Variants in GYG2 observed in about 807,000 individuals in gnomAD.
GYG2 encodes glycogenin 2.
In GYG2, 29 loss-of-function variants were observed where a neutral mutation model predicts 29.4. The ratio of observed to expected loss-of-function variants is 0.99; its 90% CI spans 0.74 to 1.35. The LOEUF (loss-of-function observed/expected upper bound fraction) is 1.35, where lower values mean the gene tolerates loss of function less well. GYG2 is among the 40% of genes most tolerant of loss of function. The probability of loss-of-function intolerance (pLI) is 0.00; values close to 1 mark genes in which losing one functional copy is unlikely to be tolerated. For synonymous variants in GYG2, 167 were observed against 172.3 expected, an observed-to-expected ratio of 0.97 and a Z score of 0.24; for missense variants, 370 against 385.7, an observed-to-expected ratio of 0.96 and a Z score of 0.34.
At chrX:2,837,755 ATTACT>A (rs755907344) in intron 2 of GYG2, among the ~76,000 whole-genome samples, 1 of 110,872 alleles carries the variant, frequency 9.0e-6, no homozygotes, top group Non-Finnish European at 1.9e-5. Flanking sequence ...TCAGTTTGAC[ATTACT>A]TTGCTGATGA....
chrX:2,864,902 G>T (rs1234922542), intron 8 of GYG2, among the ~76,000 whole-genome samples: 1 of 110,236 alleles, frequency 9.1e-6, no homozygotes, highest in Admixed American at 9.7e-5. Flanking sequence ...AGGTGGACAG[G>T]CATGAGCCAC....
chrX:2,831,796 C>A (rs1398772350), intron 2 of GYG2, among the ~76,000 whole-genome samples: 2 of 111,168 alleles, frequency 1.8e-5, no homozygotes, highest in African/African-American at 6.5e-5. Flanking sequence ...TCAGAAGATT[C>A]CTTGAGTGCA....
At chrX:2,845,981 A>G (rs2087709043) in intron 3 of GYG2, among the ~76,000 whole-genome samples, 1 of 85,541 alleles carries the variant, frequency 1.2e-5, no homozygotes, top group Non-Finnish European at 2.2e-5. Flanking sequence ...ATTTAAAAAA[A>G]TATATACATA....
At chrX:2,841,758 G>T (rs1245204158) in intron 2 of GYG2, among the ~76,000 whole-genome samples, 3 of 111,800 alleles carry the variant, frequency 2.7e-5, no homozygotes, top group Non-Finnish European at 5.6e-5. Context: ...CGGGAAAGGC[G>T]CTGTGGTCGC....
At chrX:2,872,431 C>T (rs752927734) in intron 8 of GYG2, among the ~76,000 whole-genome samples, 21 of 112,029 alleles carry the variant, frequency 1.9e-4, no homozygotes, top group South Asian at 7.4e-4. Context: ...GTTTATGTTT[C>T]GGCTGTTAAT....
intron 6 of GYG2, among the ~76,000 whole-genome samples, chrX:2,857,067 ATATC>A (rs2088027088): frequency 9.2e-6 from 1 of 109,183 alleles, no homozygotes; most frequent in African/African-American, 3.3e-5. Context: ...CTATATATCT[ATATC>A]TATATATGTA....
chrX:2,882,071 GC>G lies in GYG2; in HGVS notation c.*861del, dbSNP rs1356512391. 9.1e-6 allele frequency: 1 copy of G among 110,406 alleles called. No individual in the cohort carries two copies. The highest frequency in any genetic ancestry group is 1.9e-5 in the Non-Finnish European group (1 of 52,850). 9.1% of individuals were successfully genotyped at this position (110,406 alleles called of 1,213,427 possible). ...GTTCTCAATAACTTAGTGAATCACT[GC>G]CCTCCTCAAAGCCATTTCCACTCAG... is the stretch of plus-strand genomic sequence containing the variant. On this transcript the variant is annotated 3_prime_UTR_variant, in exon 11 of 11. Coordinates refer to ENST00000398806, the MANE Select transcript of GYG2 (RefSeq NM_001079855.2).
chrX:2,839,852 A>G (rs2087456288), intron 2 of GYG2, among the ~76,000 whole-genome samples: 1 of 112,435 alleles, frequency 8.9e-6, no homozygotes, highest in African/African-American at 3.2e-5. Context: ...AATATCCAAA[A>G]TAGGAATGTA....
chrX:2,858,296 A>G (rs184807604), intron 6 of GYG2, among the ~76,000 whole-genome samples: 411 of 110,678 alleles, frequency 3.7e-3, no homozygotes, highest in Middle Eastern at 0.018. Flanking sequence ...CCCTGTCTCT[A>G]CGAAAAAATA....
At chrX:2,857,524 ATCTC>A (rs2088046244) in intron 6 of GYG2, among the ~76,000 whole-genome samples, 2 of 110,744 alleles carry the variant, frequency 1.8e-5, no homozygotes, top group African/African-American at 6.5e-5. Flanking sequence ...GGATCTATAT[ATCTC>A]TCTATGTATC....
At position 2,855,143 on chromosome X, in the gene GYG2, G is replaced by A. The variant is rs761419760; in HGVS notation, c.475G>A (p.Gly159Ser). ...KLLLQHAMEH[G>S]SFDGADQGLL... ...CCTGCTACAGCACGCCATGGAACAC[G>A]GCAGCTTTGACGGTAAGTCAGGGCA... is the stretch of plus-strand genomic sequence containing the variant. Residue 159 changes from glycine (G) to serine (S), a missense_variant, in exon 5 of 11, where the codon GGC becomes AGC. Transcript: ENST00000398806. 6.6e-6 allele frequency: 8 copies of A among 1,208,999 alleles called. No homozygotes were observed. Among genetic ancestry groups the A allele is most frequent in the East Asian group, 3.0e-5 (1 of 33,707 alleles).
intron 3 of GYG2, among the ~76,000 whole-genome samples, chrX:2,844,609 C>T (rs1367573816): frequency 2.9e-5 from 1 of 34,364 alleles, no homozygotes; most frequent in East Asian, 1.1e-3. Context: ...CACACGCATG[C>T]GTATATGTGT....
intron 3 of GYG2, among the ~76,000 whole-genome samples, chrX:2,845,995 G>GTA (rs201335553): frequency 0.24 from 16,629 of 68,885 alleles, 1,595 homozygotes; most frequent in African/African-American, 0.32. Context: ...ATACATATAT[G>GTA]TATATATATA....
intron 3 of GYG2, among the ~76,000 whole-genome samples, chrX:2,848,889 C>T (rs778965592): frequency 9.1e-6 from 1 of 110,182 alleles, no homozygotes; most frequent in African/African-American, 3.3e-5. Context: ...TTTTGTGGGA[C>T]CTTTTATTAT....
At chrX:2,832,700 C>T (rs979819543) in intron 2 of GYG2, among the ~76,000 whole-genome samples, 6 of 111,644 alleles carry the variant, frequency 5.4e-5, no homozygotes, top group African/African-American at 1.6e-4. Flanking sequence ...ATGCCCGGCT[C>T]ACTTTTGTAT....
At chrX:2,829,683 CG>C (rs1351890068) in intron 1 of GYG2, among the ~76,000 whole-genome samples, 2 of 96,779 alleles carry the variant, frequency 2.1e-5, no homozygotes, top group African/African-American at 3.9e-5. Flanking sequence ...GAGGGGTGAC[CG>C]GGGGGCGCCA....
At position 2,861,510 on chromosome X, in the gene GYG2, G is replaced by A. The variant is rs2088165169; in HGVS notation, c.838-12G>A. On this transcript the variant is annotated splice_polypyrimidine_tract_variant and intron_variant, in intron 7 of 10. Transcript: ENST00000398806. ...TAGGGAAGACTCACTCCACGTGTGT[G>A]TTTTTGTGCAGCTTTGCCACAGTGA... 2 of 1,190,129 alleles carry A rather than the reference G, an allele frequency of 1.7e-6. No individual in the cohort carries two copies. The highest frequency in any genetic ancestry group is 2.2e-5 in the Admixed American group (1 of 45,614).
At chrX:2,831,917 G>T (rs983287741) in intron 2 of GYG2, among the ~76,000 whole-genome samples, 3 of 112,246 alleles carry the variant, frequency 2.7e-5, no homozygotes, top group Non-Finnish European at 3.8e-5. Flanking sequence ...CTTTTTGTGG[G>T]CTGTGGTGCA....
rs774124916 is a variant in GYG2 at position 2,834,120 on chromosome X, A to G, written c.7+3925A>G. On this transcript the variant is annotated intron_variant, in intron 2 of 10. Transcript: ENST00000398806. ...GAATGCAGGATGCAGCATGCAACCT[A>G]TCATCTCCACCTCTGGCCTTGGCTG... Among the ~76,000 whole-genome samples, 4 of 112,349 alleles carry G rather than the reference A, an allele frequency of 3.6e-5. No individual in the cohort carries two copies. In the South Asian group the frequency reaches 1.5e-3, roughly 41 times the overall value.
Sources: gnomAD v4.1 joint callset for allele counts (sites outside exome capture counted in the v4.1 genomes callset) on GRCh38, gnomAD v4.1.1 for gene constraint, MANE v1.5 for transcripts, NCBI Gene and HGNC (gene_info 2026-07-23, HGNC 2026-07-21) for gene names.